THRB: variants seen among roughly 807,000 people sequenced by gnomAD.
The protein encoded by THRB is thyroid hormone receptor beta.
THRB carries 12 observed loss-of-function variants against 47.8 expected under a neutral mutation model. The observed-to-expected ratio is 0.25, with a 90% CI of 0.16 to 0.41. The LOEUF (loss-of-function observed/expected upper bound fraction) is 0.41. Among genes scored for constraint, THRB ranks in the 10% least tolerant of loss-of-function variants. The pLI is 1.00. For synonymous variants in THRB, 218 were observed against 212.2 expected (o/e 1.03, Z -0.24); for missense variants, 348 against 589.2 (o/e 0.59, Z 4.24).
At chr3:24,242,880 C>T (rs2049692953) in intron 3 of THRB, among the ~76,000 whole-genome samples, 1 of 152,010 alleles carries the variant, frequency 6.6e-6, no homozygotes, top group East Asian at 1.9e-4. Flanking sequence ...GTCTGCAGCA[C>T]CAGTCCTGCC....
intron 3 of THRB, among the ~76,000 whole-genome samples, chr3:24,269,457 CTG>C (rs1383008777): frequency 6.7e-6 from 1 of 150,284 alleles, no homozygotes; most frequent in Non-Finnish European, 1.5e-5. Flanking sequence ...GTTATCTTCG[CTG>C]TGTTGTCCAG....
At chr3:24,328,066 C>T (rs187916081) in intron 2 of THRB, among the ~76,000 whole-genome samples, 1 of 152,188 alleles carries the variant, frequency 6.6e-6, no homozygotes, top group Admixed American at 6.5e-5. Context: ...TACAAATAAT[C>T]AGTAAAGTAC....
At chr3:24,398,954 C>A (rs2067188447) in intron 1 of THRB, among the ~76,000 whole-genome samples, 1 of 152,016 alleles carries the variant, frequency 6.6e-6, no homozygotes, top group African/African-American at 2.4e-5. Context: ...TGGATACCAT[C>A]ATTCTCAGCA....
In THRB at chr3:24,190,315, C is replaced by T; in HGVS notation, c.42G>A (p.Trp14Ter). 6.2e-7 allele frequency: 1 copy of T among 1,614,042 alleles called. No individual in the cohort carries two copies. Among genetic ancestry groups the T allele is most frequent in the Non-Finnish European group, 8.5e-7 (1 of 1,179,934 alleles). Residue 14 changes from tryptophan to a stop codon, truncating the protein, a stop_gained, in exon 5 of 11, where the codon TGG becomes TGA. Coordinates refer to ENST00000646209, the MANE Select transcript of THRB (RefSeq NM_001354712.2). LOFTEE classifies it high-confidence loss of function. Reference protein sequence around the residue: ...NSMTENGLTAWDKPKHCPDRE... With the variant: ...NSMTENGLTA ...GGTCTGGACAGTGCTTCGGTTTGTC[C>T]CAGGCTGTAAGGCCATTTTCTAAAG...
At chr3:24,156,763 A>T (rs1359533047) in intron 5 of THRB, among the ~76,000 whole-genome samples, 1 of 151,954 alleles carries the variant, frequency 6.6e-6, no homozygotes, top group East Asian at 1.9e-4. Flanking sequence ...ATGCTTAGTC[A>T]CTCTTCTGAT....
chr3:24,274,705 T>C (rs937917682), intron 3 of THRB, among the ~76,000 whole-genome samples: 1 of 152,164 alleles, frequency 6.6e-6, no homozygotes, highest in Non-Finnish European at 1.5e-5. Flanking sequence ...GAAGGGAAGA[T>C]TCATCTTATT....
intron 2 of THRB, among the ~76,000 whole-genome samples, chr3:24,320,099 A>G (rs942682224): frequency 1.3e-5 from 2 of 152,190 alleles, no homozygotes; most frequent in African/African-American, 4.8e-5. Context: ...CCACTTTTTG[A>G]AAGTCACTTC....
At chr3:24,306,563 C>T (rs952542367) in intron 2 of THRB, among the ~76,000 whole-genome samples, 7 of 152,020 alleles carry the variant, frequency 4.6e-5, no homozygotes, top group Non-Finnish European at 7.4e-5. Flanking sequence ...TGGCTAAAAT[C>T]GACTCTAGGA....
Position 24,129,852 on chromosome 3 carries a change from G to A in THRB, c.886-2095C>T, listed in dbSNP as rs77590570. On this transcript the variant is annotated intron_variant, in intron 9 of 10. Coordinates refer to ENST00000646209, the MANE Select transcript of THRB (RefSeq NM_001354712.2). ...ATGTTGTTTTGGCAGCTCTGCCGGC[G>A]ATGATTTTAGATCTTGTGAAGCCCC... is the stretch of plus-strand genomic sequence containing the variant. Among the ~76,000 whole-genome samples, 1,500 of 152,320 alleles carry A rather than the reference G, an allele frequency of 9.8e-3. 13 individuals are homozygous for A. Among genetic ancestry groups the A allele is most frequent in the Non-Finnish European group, 0.016 (1,055 of 68,032 alleles).
intron 3 of THRB, among the ~76,000 whole-genome samples, chr3:24,289,938 G>A (rs1409735127): frequency 6.6e-6 from 1 of 152,082 alleles, no homozygotes; most frequent in Non-Finnish European, 1.5e-5. Flanking sequence ...GGCCTCCAGT[G>A]TCTTTCATGA....
At chr3:24,298,284 C>G (rs2056616594) in intron 2 of THRB, among the ~76,000 whole-genome samples, 3 of 152,202 alleles carry the variant, frequency 2.0e-5, no homozygotes, top group Admixed American at 1.3e-4. Context: ...GATCAAAAAT[C>G]TGAAGCTTAC....
intron 5 of THRB, among the ~76,000 whole-genome samples, chr3:24,189,763 T>A (rs1251060855): frequency 6.6e-6 from 1 of 152,208 alleles, no homozygotes; most frequent in Non-Finnish European, 1.5e-5. Flanking sequence ...TGCCTGTTTC[T>A]ACTCAGACCC....
chr3:24,125,529 A>G (rs1242750915), intron 10 of THRB, among the ~76,000 whole-genome samples: 1 of 152,364 alleles, frequency 6.6e-6, no homozygotes, highest in East Asian at 1.9e-4. Flanking sequence ...TTCATTTTAA[A>G]GGTCACTGAA....
chr3:24,139,625 A>G (rs2035177156), intron 8 of THRB, among the ~76,000 whole-genome samples: 1 of 152,096 alleles, frequency 6.6e-6, no homozygotes, highest in Non-Finnish European at 1.5e-5. Flanking sequence ...GGCTCAAGCA[A>G]TCCACCCACC....
intron 6 of THRB, among the ~76,000 whole-genome samples, 162 bp downstream of exon 6, chr3:24,152,228 G>A (rs1015860049): frequency 1.3e-5 from 2 of 152,190 alleles, no homozygotes; most frequent in African/African-American, 4.8e-5. Flanking sequence ...TCTTGAACAT[G>A]TCAAAAATGA....
chr3:24,310,403 T>C (rs1168102418), intron 2 of THRB, among the ~76,000 whole-genome samples: 3 of 152,186 alleles, frequency 2.0e-5, no homozygotes, highest in Admixed American at 1.3e-4. Context: ...AATCTTTCTT[T>C]ACATAAACAA....
chr3:24,446,932 C>A (rs142654589), intron 1 of THRB, among the ~76,000 whole-genome samples: 89 of 152,244 alleles, frequency 5.8e-4, no homozygotes, highest in Non-Finnish European at 9.7e-4. Context: ...GAGATCTTTA[C>A]AAGGAAATAG....
At chr3:24,177,987 C>T (rs1052837365) in intron 5 of THRB, among the ~76,000 whole-genome samples, 11 of 151,940 alleles carry the variant, frequency 7.2e-5, no homozygotes, top group Non-Finnish European at 1.5e-4. Flanking sequence ...CTCTTTGCCC[C>T]TATTATGGAG....
chr3:24,124,280 G>A (rs914063274), intron 10 of THRB, among the ~76,000 whole-genome samples: 10 of 152,148 alleles, frequency 6.6e-5, no homozygotes, highest in African/African-American at 2.4e-4. Context: ...ATGGCAATTC[G>A]TGCATTTTTA....
Sources: allele counts gnomAD v4.1 joint callset (sites outside exome capture counted in the v4.1 genomes callset), GRCh38; gene constraint gnomAD v4.1.1; transcripts MANE v1.5; gene names NCBI Gene and HGNC (gene_info 2026-07-23, HGNC 2026-07-21).